NLGN1: variants seen among roughly 807,000 people sequenced by gnomAD.
The protein encoded by NLGN1 is neuroligin-1.
A neutral mutation model predicts 65.5 loss-of-function variants in NLGN1; 12 were observed. The ratio of observed to expected loss-of-function variants is 0.18; its 90% CI spans 0.12 to 0.30. The LOEUF is 0.30. Among genes scored for constraint, NLGN1 ranks in the 10% least tolerant of loss-of-function variants. NLGN1 has a pLI of 1.00. For synonymous variants in NLGN1, 350 were observed against 359.5 expected, an observed-to-expected ratio of 0.97 and a Z score of 0.30; for missense variants, 750 against 1,007.1, an observed-to-expected ratio of 0.74 and a Z score of 3.46.
In NLGN1 at chr3:173,747,801, C is replaced by CTTTTTTTTTTTTTTTTTT. The variant is rs749749824; in HGVS notation, c.494-59866_494-59849dup. On this transcript the variant is annotated intron_variant, in intron 3 of 6. Transcript: ENST00000457714. Reference sequence around the variant, plus strand: ...AATTTTCTTTCTTCTTCTTCTTGTTCTTTTTTTTTTTTTTTTTTTTTTTTT... The same window carrying CTTTTTTTTTTTTTTTTTT: ...AATTTTCTTTCTTCTTCTTCTTGTTCTTTTTTTTTTTTTTTTTTTTTTTTTTTTTTTTTTTTTTTTTTT... Among the ~76,000 whole-genome samples the CTTTTTTTTTTTTTTTTTT allele has an allele frequency of 1.4e-3, 93 of 64,424 alleles. 21 individuals carry two copies. Among genetic ancestry groups the CTTTTTTTTTTTTTTTTTT allele is most frequent in the African/African-American group, 4.8e-3 (77 of 16,098 alleles). The allele number at this position is 64,424 out of a possible 152,430, so 42.3% of individuals were successfully genotyped here. A position where few individuals can be genotyped will look rare whatever the true frequency, so the allele number is the denominator to read the frequency against.
intron 3 of NLGN1, among the ~76,000 whole-genome samples, chr3:173,659,766 T>C (rs774514877): frequency 1.6e-4 from 25 of 151,890 alleles, no homozygotes; most frequent in Non-Finnish European, 2.9e-4. Flanking sequence ...CGTGTGTATG[T>C]GTGTGTGTAT....
chr3:173,585,389 G>T (rs78994826), intron 2 of NLGN1, among the ~76,000 whole-genome samples: 1 of 152,108 alleles, frequency 6.6e-6, no homozygotes, highest in Non-Finnish European at 1.5e-5. Flanking sequence ...AGTAGAAATC[G>T]CTGGTGCTTC....
intron 4 of NLGN1, among the ~76,000 whole-genome samples, chr3:173,887,433 A>AT (rs1288133493): frequency 1.3e-5 from 2 of 152,016 alleles, no homozygotes; most frequent in African/African-American, 4.8e-5. Context: ...ATGAAAACAA[A>AT]TGCTTGGTGA....
intron 3 of NLGN1, among the ~76,000 whole-genome samples, chr3:173,681,639 C>A (rs1428631998): frequency 6.6e-6 from 1 of 151,992 alleles, no homozygotes; most frequent in Non-Finnish European, 1.5e-5. Flanking sequence ...TATTTTTGGC[C>A]CTGATTAAGC....
chr3:173,492,271 T>C (rs1729300511), intron 2 of NLGN1, among the ~76,000 whole-genome samples: 1 of 151,838 alleles, frequency 6.6e-6, no homozygotes, highest in Non-Finnish European at 1.5e-5. Flanking sequence ...GGAATATGTC[T>C]CCCTGCATCT....
At chr3:173,588,654 T>C (rs1747917535) in intron 2 of NLGN1, among the ~76,000 whole-genome samples, 1 of 152,198 alleles carries the variant, frequency 6.6e-6, no homozygotes, top group Admixed American at 6.6e-5. Context: ...TTCCGTTGCA[T>C]GTGAGAGAAA....
At chr3:173,594,346 C>T (rs552447383) in intron 2 of NLGN1, among the ~76,000 whole-genome samples, 130 of 152,322 alleles carry the variant, frequency 8.5e-4, no homozygotes, top group African/African-American at 3.1e-3. Context: ...AGGCCCCATG[C>T]AAGTCCAAAA....
intron 3 of NLGN1, among the ~76,000 whole-genome samples, chr3:173,676,939 T>C (rs1304037111): frequency 6.6e-6 from 1 of 152,080 alleles, no homozygotes; most frequent in East Asian, 1.9e-4. Flanking sequence ...ACCCTGCAAA[T>C]GTAGATGATT....
intron 3 of NLGN1, among the ~76,000 whole-genome samples, chr3:173,655,413 G>A (rs1192937999): frequency 6.6e-5 from 10 of 151,910 alleles, no homozygotes; most frequent in Admixed American, 4.6e-4. Context: ...AGTACAGATG[G>A]CTATTTTGAG....
chr3:174,007,074 A>C (rs970801064), intron 4 of NLGN1, among the ~76,000 whole-genome samples: 1 of 150,896 alleles, frequency 6.6e-6, no homozygotes, highest in Non-Finnish European at 1.5e-5. Flanking sequence ...TCTCAAAAAT[A>C]AAAAAATAAA....
chr3:173,956,122 A>C (rs1468873397), intron 4 of NLGN1, among the ~76,000 whole-genome samples: 1 of 152,150 alleles, frequency 6.6e-6, no homozygotes, highest in Non-Finnish European at 1.5e-5. Flanking sequence ...TTGATAAGGC[A>C]GAGTTTAAAT....
intron 4 of NLGN1, among the ~76,000 whole-genome samples, chr3:173,929,690 T>C (rs1325418835): frequency 6.6e-6 from 1 of 151,474 alleles, no homozygotes; most frequent in Non-Finnish European, 1.5e-5. Flanking sequence ...TTTTTTTTCT[T>C]TTTTTCTTTT....
chr3:173,767,589 C>A (rs569560481), intron 3 of NLGN1, among the ~76,000 whole-genome samples: 1 of 151,878 alleles, frequency 6.6e-6, no homozygotes, highest in Non-Finnish European at 1.5e-5. Context: ...GACCTTTTCA[C>A]GACAAATGTA....
intron 4 of NLGN1, among the ~76,000 whole-genome samples, chr3:174,251,383 G>A (rs1031801860): frequency 7.9e-5 from 12 of 152,110 alleles, no homozygotes; most frequent in Non-Finnish European, 1.5e-4. Flanking sequence ...GTGAGCTGCC[G>A]CTAATTCATA....
chr3:173,638,525 C>T (rs1220762781), intron 3 of NLGN1, among the ~76,000 whole-genome samples: 1 of 152,054 alleles, frequency 6.6e-6, no homozygotes, highest in Non-Finnish European at 1.5e-5. Context: ...GGCTCCCTTT[C>T]ATCACCTGCT....
At chr3:174,077,471 C>T (rs1448239995) in intron 4 of NLGN1, among the ~76,000 whole-genome samples, 1 of 152,082 alleles carries the variant, frequency 6.6e-6, no homozygotes, top group Non-Finnish European at 1.5e-5. Flanking sequence ...TAAATAGTAG[C>T]AAATGATGAT....
chr3:174,166,208 T>G (rs1382253709), intron 4 of NLGN1, among the ~76,000 whole-genome samples: 2 of 152,044 alleles, frequency 1.3e-5, no homozygotes, highest in African/African-American at 4.8e-5. Flanking sequence ...TACATTCTGA[T>G]TTTAGTTATT....
chr3:173,869,585 T>A (rs537596439), intron 4 of NLGN1, among the ~76,000 whole-genome samples: 1 of 152,210 alleles, frequency 6.6e-6, no homozygotes, highest in East Asian at 1.9e-4. Flanking sequence ...AAGAAATGGG[T>A]GAAAATATCT....
At chr3:173,655,386 T>C (rs1358766107) in intron 3 of NLGN1, among the ~76,000 whole-genome samples, 1 of 152,170 alleles carries the variant, frequency 6.6e-6, no homozygotes, top group Non-Finnish European at 1.5e-5. Flanking sequence ...CAAGTCATTC[T>C]GTTATGTACA....
Sources: allele counts gnomAD v4.1 joint callset (sites outside exome capture counted in the v4.1 genomes callset), GRCh38; gene constraint gnomAD v4.1.1; transcripts MANE v1.5; gene names NCBI Gene and HGNC (gene_info 2026-07-23, HGNC 2026-07-21).